LAMC2: variants seen among roughly 807,000 people sequenced by gnomAD.
LAMC2 encodes the protein laminin subunit gamma-2.
In LAMC2, 97 loss-of-function variants were observed where a neutral mutation model predicts 140.2. The ratio of observed to expected loss-of-function variants is 0.69; its 90% confidence interval spans 0.59 to 0.82. The LOEUF (loss-of-function observed/expected upper bound fraction) is 0.82, where lower values mean the gene tolerates loss of function less well. Among genes scored for constraint, LAMC2 ranks in the 40% least tolerant of loss-of-function variants. The pLI, the probability that LAMC2 is intolerant of heterozygous loss-of-function variation, is 0.00. For missense variants in LAMC2, 1,402 were observed against 1,476.1 expected (o/e 0.95, Z 0.82); for synonymous variants, 513 against 540.2 (o/e 0.95, Z 0.70).
At chr1:183,218,335 A>G in intron 3 of LAMC2, 55 bp from the exon 4 acceptor site, 5 of 1,354,920 alleles carry the variant, frequency 3.7e-6, no homozygotes, top group Non-Finnish European at 5.3e-6. Flanking sequence ...TTTTATGTGC[A>G]TAGTTGTGAA....
chr1:183,257,130 C>A, the LAMC2 span, among the ~76,000 whole-genome samples: 2 of 151,568 alleles, frequency 1.3e-5, no homozygotes, highest in East Asian at 3.9e-4. Flanking sequence ...TTCCTTCCAG[C>A]TGTATTTCTT....
rs1045015856 is a variant in LAMC2, at chr1:183,235,719, G to A, written c.2445G>A (p.Gly815=). The change falls in exon 16 of 23, where the codon GGG becomes GGA. Residue 815 remains glycine (G), a synonymous_variant. Transcript: ENST00000264144. The part of the protein sequence containing the change: ...SGSPDGAVVQ[G]LVEKLEKTKS... ...GCCCGGACGGTGCTGTGGTGCAAGG[G>A]CTTGTGGAAAAGTACGTTCCTACGG... is the stretch of plus-strand genomic sequence containing the variant. 8 of 1,614,162 alleles carry A rather than the reference G, an allele frequency of 5.0e-6. No individual in the cohort carries two copies. The highest frequency in any genetic ancestry group is 3.3e-5 in the South Asian group (3 of 91,074).
chr1:183,255,662 GTTTT>G, the LAMC2 span, among the ~76,000 whole-genome samples: 1 of 100,940 alleles, frequency 9.9e-6, no homozygotes, highest in African/African-American at 3.8e-5. Flanking sequence ...ATTCCTAAGG[GTTTT>G]TTTTTTTTTT....
At chr1:183,188,249 T>A (rs1332959040) in intron 1 of LAMC2, among the ~76,000 whole-genome samples, 1 of 152,170 alleles carries the variant, frequency 6.6e-6, no homozygotes, top group Non-Finnish European at 1.5e-5. Flanking sequence ...GTGAAGTTTG[T>A]TGCCAGGGTA....
chr1:183,230,432 C>T (rs1279335781), intron 11 of LAMC2, among the ~76,000 whole-genome samples: 1 of 152,174 alleles, frequency 6.6e-6, no homozygotes, highest in Non-Finnish European at 1.5e-5. Context: ...TATAACAGAA[C>T]CTGGCTTAAT....
chr1:183,243,093 G>A, intron 22 of LAMC2, 54 bp from the exon 23 acceptor site: 2 of 1,608,442 alleles, frequency 1.2e-6, no homozygotes, highest in South Asian at 1.1e-5. Context: ...GGGTGTTCAA[G>A]GAGATCTAAC....
Position 183,243,560 on chromosome 1 carries a change from GT to G in LAMC2, c.*162del. On this transcript the variant is annotated 3_prime_UTR_variant, in exon 23 of 23. Transcript: ENST00000264144. ...CCATTCCTGATCCCATGGCCAGGTG[GT>G]TGTCTTATTGCACCATACTCCTTGC... The G allele has an allele frequency of 4.7e-6, 4 of 850,352 alleles. No individual in the cohort carries two copies. The Admixed American group carries it at 8.0e-5, about 17-fold the overall frequency. The allele number at this position is 850,352 out of a possible 1,614,324, so 52.7% of individuals were successfully genotyped here. A position where few individuals can be genotyped will look rare whatever the true frequency, so the allele number is the denominator to read the frequency against.
Position 183,225,655 on chromosome 1 carries a change from T to C in LAMC2, c.1001T>C (p.Phe334Ser), listed in dbSNP as rs1286287044. The stretch of plus-strand genomic sequence containing the variant: ...AATTGGAGCCCCCAGCTGAGTTACT[T>C]TGAGTATCGAAGGTTACTGCGGAAT... Reference protein sequence around the residue: ...SNNWSPQLSYFEYRRLLRNLT... With the variant: ...SNNWSPQLSYSEYRRLLRNLT... The change falls in exon 8 of 23, where the codon TTT (phenylalanine) becomes TCT (serine). Residue 334 changes from phenylalanine (F) to serine (S), a missense_variant. By Grantham distance (155) the Phe-to-Ser change is radical. Transcript: ENST00000264144. 6.2e-7 allele frequency: 1 copy of C among 1,614,124 alleles called. No individual in the cohort carries two copies. Among genetic ancestry groups the C allele is most frequent in the Non-Finnish European group, 8.5e-7 (1 of 1,179,958 alleles).
At chr1:183,242,946 A>G (rs1458816834) in intron 22 of LAMC2, among the ~76,000 whole-genome samples, 1 of 152,068 alleles carries the variant, frequency 6.6e-6, no homozygotes, top group African/African-American at 2.4e-5. Context: ...AGTGTTGTTC[A>G]TAGCCCAGTA....
chr1:183,213,784 G>T (rs1189917746), intron 2 of LAMC2, among the ~76,000 whole-genome samples: 3 of 146,024 alleles, frequency 2.1e-5, no homozygotes, highest in African/African-American at 7.7e-5. Context: ...TACAGATCAT[G>T]GCCAGGTGCG....
rs966057877 is a variant in LAMC2 at position 183,241,243 on chromosome 1, C to G, written c.3328+852C>G. 42 of 753,126 alleles carry G rather than the reference C, an allele frequency of 5.6e-5. No individual in the cohort carries two copies. In the African/African-American group the frequency reaches 1.1e-3, roughly 19 times the overall value. 46.7% of individuals were successfully genotyped at this position (753,126 alleles called of 1,614,324 possible). A position where few individuals can be genotyped will look rare whatever the true frequency, so the allele number is the denominator to read the frequency against. On this transcript the variant is annotated intron_variant, in intron 22 of 22. Transcript: ENST00000264144. The stretch of plus-strand genomic sequence containing the variant: ...AGCCTGGGGAACAGAGCAAGACTGT[C>G]TCAAAAAAAAAAAAAAAAGGAAAAA...
intron 2 of LAMC2, among the ~76,000 whole-genome samples, chr1:183,210,682 A>G (rs1659043119): frequency 6.6e-6 from 1 of 152,260 alleles, no homozygotes; most frequent in African/African-American, 2.4e-5. Flanking sequence ...ATTTCCTAAG[A>G]TCTGACTAAT....
chr1:183,189,626 T>C (rs1658262834), intron 1 of LAMC2, among the ~76,000 whole-genome samples: 1 of 152,114 alleles, frequency 6.6e-6, no homozygotes, highest in Non-Finnish European at 1.5e-5. Flanking sequence ...GCCTAGGATA[T>C]GGAGGTAAAA....
chr1:183,205,709 C>T (rs1020838155), intron 1 of LAMC2, among the ~76,000 whole-genome samples: 6 of 152,124 alleles, frequency 3.9e-5, no homozygotes, highest in Non-Finnish European at 5.9e-5. Flanking sequence ...TCTTCAGATT[C>T]ACAAAAGCCT....
In LAMC2 at chr1:183,244,295, A is replaced by G. The variant is rs1232959973; in HGVS notation, c.*895A>G. 1 of 151,970 alleles carries G rather than the reference A, an allele frequency of 6.6e-6. No individual in the cohort carries two copies. Among genetic ancestry groups the G allele is most frequent in the African/African-American group, 2.4e-5 (1 of 41,370 alleles). The allele number at this position is 151,970 out of a possible 1,614,324, so 9.4% of individuals were successfully genotyped here. The stretch of plus-strand genomic sequence containing the variant: ...GATGCGCATCAATGTATTTTATCTT[A>G]TTTTCTCAATCTCCTCTCTCTTTCC... On this transcript the variant is annotated 3_prime_UTR_variant, in exon 23 of 23. Transcript: ENST00000264144.
At chr1:183,257,786 G>GT in the LAMC2 span, among the ~76,000 whole-genome samples, 1,033 of 116,674 alleles carry the variant, frequency 8.9e-3, 15 homozygotes, top group African/African-American at 0.024. Flanking sequence ...TGTCAATTTT[G>GT]TTTTTTTTTT....
At chr1:183,253,437 C>T in the LAMC2 span, among the ~76,000 whole-genome samples, 4 of 151,442 alleles carry the variant, frequency 2.6e-5, no homozygotes, top group African/African-American at 7.3e-5. Flanking sequence ...CTTCTTGTGG[C>T]GAGAATAGCT....
In LAMC2 at chr1:183,186,312, C is replaced by A; in HGVS notation, c.-41C>A. 2 of 1,562,856 alleles carry A rather than the reference C, an allele frequency of 1.3e-6. No individual in the cohort carries two copies. The highest frequency in any genetic ancestry group is 8.6e-7 in the Non-Finnish European group (1 of 1,160,472). Reference sequence around the variant, plus strand: ...CACCAACCGAGGCGCCGGGCAGCGACCCCTGCAGCGGAGACAGAGACTGAG... The same window carrying A: ...CACCAACCGAGGCGCCGGGCAGCGAACCCTGCAGCGGAGACAGAGACTGAG... On this transcript the variant is annotated 5_prime_UTR_variant, in exon 1 of 23. Coordinates refer to ENST00000264144, the MANE Select transcript of LAMC2 (RefSeq NM_005562.3).
chr1:183,240,875 A>G (rs922435495), intron 22 of LAMC2: 1 of 184,194 alleles, frequency 5.4e-6, no homozygotes, highest in African/African-American at 2.4e-5. Context: ...GAAGAGAGAA[A>G]TGACAGGAGC....
Sources: gnomAD v4.1 joint callset for allele counts (sites outside exome capture counted in the v4.1 genomes callset) on GRCh38, gnomAD v4.1.1 for gene constraint, MANE v1.5 for transcripts, NCBI Gene and HGNC (gene_info 2026-07-23, HGNC 2026-07-21) for gene names.